Variants in MRTFA observed in about 807,000 individuals in gnomAD.
MRTFA encodes the protein myocardin related transcription factor A.
In MRTFA, 20 loss-of-function variants were observed where a neutral mutation model predicts 83.5. The ratio of observed to expected loss-of-function variants is 0.24; its 90% confidence interval spans 0.17 to 0.35. The LOEUF (loss-of-function observed/expected upper bound fraction) is 0.35. Ranked by LOEUF, MRTFA falls within the 10% of genes least tolerant of loss-of-function variation. The pLI is 1.00. For synonymous variants in MRTFA, 659 were observed against 541.2 expected, an observed-to-expected ratio of 1.22 and a Z score of -3.02; for missense variants, 1,200 against 1,224.7, an observed-to-expected ratio of 0.98 and a Z score of 0.30.
intron 4 of MRTFA, among the ~76,000 whole-genome samples, chr22:40,457,746 G>C (rs768785880): frequency 1.3e-5 from 2 of 152,196 alleles, no homozygotes; most frequent in Non-Finnish European, 2.9e-5. Flanking sequence ...TGGGAAAATA[G>C]TAAGTTGAGG....
At chr22:40,436,041 C>T (rs943458217) in intron 4 of MRTFA, among the ~76,000 whole-genome samples, 11 of 152,066 alleles carry the variant, frequency 7.2e-5, no homozygotes, top group Non-Finnish European at 1.2e-4. Flanking sequence ...GGTTTAGCTA[C>T]CCCATTCAAA....
intron 3 of MRTFA, among the ~76,000 whole-genome samples, chr22:40,547,872 GAAAA>G (rs2055390195): frequency 7.1e-6 from 1 of 139,872 alleles, no homozygotes; most frequent in Non-Finnish European, 1.6e-5. Flanking sequence ...AAAAAAAAAA[GAAAA>G]AGAAATGATG....
chr22:40,420,450 C>G lies in MRTFA; in HGVS notation c.1308G>C (p.Leu436=), dbSNP rs760748230. The change falls in exon 11 of 15, where the codon CTG becomes CTC. Residue 436 remains leucine (L), a synonymous_variant. Transcript: ENST00000355630. ...CCGGCAGGGCTCCCGGCTTGCCAGT[C>G]AGTGAGGTGCTGTTCTGACGTGCCA... 1 of 1,613,724 alleles carries G rather than the reference C, an allele frequency of 6.2e-7. No individual in the cohort carries two copies. The highest frequency in any genetic ancestry group is 1.1e-5 in the South Asian group (1 of 91,084).
chr22:40,502,688 A>G (rs1247977813), intron 3 of MRTFA, among the ~76,000 whole-genome samples: 2 of 150,712 alleles, frequency 1.3e-5, no homozygotes, highest in African/African-American at 4.9e-5. Context: ...GCACTTTGGG[A>G]GGCCAAGGCA....
intron 3 of MRTFA, among the ~76,000 whole-genome samples, chr22:40,550,156 C>T (rs1457570484): frequency 6.6e-6 from 1 of 150,716 alleles, no homozygotes; most frequent in Non-Finnish European, 1.5e-5. Flanking sequence ...GATGGGCACG[C>T]AGGTATTCAC....
At chr22:40,595,102 G>A (rs2056171956) in intron 1 of MRTFA, among the ~76,000 whole-genome samples, 1 of 147,072 alleles carries the variant, frequency 6.8e-6, no homozygotes, top group Non-Finnish European at 1.5e-5. Flanking sequence ...GCTCTTATTG[G>A]TGTTGATAAA....
chr22:40,426,685 G>A (rs771595865), intron 7 of MRTFA, among the ~76,000 whole-genome samples: 9 of 152,074 alleles, frequency 5.9e-5, no homozygotes, highest in Non-Finnish European at 1.0e-4. Context: ...GCCCCCAGAC[G>A]TGCTATAGTG....
intron 2 of MRTFA, among the ~76,000 whole-genome samples, chr22:40,577,897 C>T (rs1357885693): frequency 2.0e-5 from 3 of 149,812 alleles, no homozygotes; most frequent in African/African-American, 2.5e-5. Flanking sequence ...TGAGCCACCA[C>T]GCCCGGCCTA....
At chr22:40,492,076 A>G (rs1303161850) in intron 3 of MRTFA, among the ~76,000 whole-genome samples, 3 of 152,182 alleles carry the variant, frequency 2.0e-5, no homozygotes, top group Admixed American at 2.0e-4. Flanking sequence ...GAGTGGCAGA[A>G]TCCTGCAGGT....
At chr22:40,535,022 C>G (rs980718552) in intron 3 of MRTFA, among the ~76,000 whole-genome samples, 2 of 152,174 alleles carry the variant, frequency 1.3e-5, no homozygotes, top group Admixed American at 6.5e-5. Context: ...AAACTTCCTT[C>G]CTTTCTCACT....
At position 40,597,946 on chromosome 22, in the gene MRTFA, T is replaced by G. The variant is rs543340822; in HGVS notation, c.-83-3211A>C. On this transcript the variant is annotated intron_variant, in intron 1 of 14. Transcript: ENST00000355630. ...TCTGCCAGGTTTGAACATGCCAAGT[T>G]TAAAATACTCTCCAGATCGTTATGC... 7.7e-4 allele frequency among the ~76,000 whole-genome samples: 117 copies of G among 152,318 alleles called. 2 individuals carry two copies. In the South Asian group the frequency reaches 0.01, roughly 13 times the overall value.
chr22:40,424,698 C>A lies in MRTFA; in HGVS notation c.602-317G>T, dbSNP rs537256461. On this transcript the variant is annotated intron_variant, in intron 7 of 14. Transcript: ENST00000355630. Reference sequence around the variant, plus strand: ...TAGTCTTCAATGTCAAGTTGTCCCTCCCTCCCTTGCTCCTCCCTGGGAGAC... The same window carrying A: ...TAGTCTTCAATGTCAAGTTGTCCCTACCTCCCTTGCTCCTCCCTGGGAGAC... Among the ~76,000 whole-genome samples, 14 of 152,336 alleles carry A rather than the reference C, an allele frequency of 9.2e-5. No individual in the cohort carries two copies. The South Asian group carries it at 2.9e-3, about 32-fold the overall frequency.
intron 14 of MRTFA, among the ~76,000 whole-genome samples, chr22:40,415,613 GCTC>G (rs2052661864): frequency 6.6e-6 from 1 of 151,942 alleles, no homozygotes; most frequent in South Asian, 2.1e-4. Flanking sequence ...CCGCCAGTGA[GCTC>G]CTCCCCAGGA....
chr22:40,457,678 T>C (rs1048361219), intron 4 of MRTFA, among the ~76,000 whole-genome samples: 3 of 152,182 alleles, frequency 2.0e-5, no homozygotes, highest in East Asian at 1.9e-4. Context: ...CGAAGATCTA[T>C]ACGACAAAAA....
chr22:40,533,709 G>T, intron 3 of MRTFA: 1 of 942,990 alleles, frequency 1.1e-6, no homozygotes, highest in Non-Finnish European at 1.4e-6. Flanking sequence ...AAGCTGTCTT[G>T]AAAGCTTTCA....
At position 40,416,736 on chromosome 22, in the gene MRTFA, G is replaced by A. The variant is rs1160113463; in HGVS notation, c.2578+250C>T. On this transcript the variant is annotated intron_variant, in intron 14 of 14. Coordinates refer to ENST00000355630, the MANE Select transcript of MRTFA (RefSeq NM_020831.6). The surrounding 1 kb of genome is among the most constrained non-coding windows in gnomAD (Gnocchi z 4.2). ...AGGCTGCACTGTGAGCTCCACAAGG[G>A]CAAATGTCTCTTCTGTTCGTTGGGA... Among the ~76,000 whole-genome samples the A allele has an allele frequency of 6.6e-6, 1 of 152,216 alleles. No individual in the cohort carries two copies. Among genetic ancestry groups the A allele is most frequent in the African/African-American group, 2.4e-5 (1 of 41,454 alleles).
At chr22:40,498,225 A>G (rs1197997845) in intron 3 of MRTFA, among the ~76,000 whole-genome samples, 1 of 116,340 alleles carries the variant, frequency 8.6e-6, no homozygotes, top group Non-Finnish European at 1.7e-5. Context: ...GCATGCTTCT[A>G]TTTTCCACAG....
chr22:40,493,760 G>C (rs746586964), intron 3 of MRTFA, among the ~76,000 whole-genome samples: 21 of 152,294 alleles, frequency 1.4e-4, no homozygotes, highest in Non-Finnish European at 2.4e-4. Context: ...CAGTTTGGGA[G>C]TTTCTTATAA....
intron 2 of MRTFA, chr22:40,587,646 G>T: frequency 3.2e-6 from 1 of 308,386 alleles, no homozygotes; most frequent in Non-Finnish European, 6.5e-6. Context: ...ATTGTTTTTT[G>T]GATTGTGTTC....
Sources: allele counts gnomAD v4.1 joint callset (sites outside exome capture counted in the v4.1 genomes callset), GRCh38; gene constraint gnomAD v4.1.1; non-coding constraint Gnocchi (gnomAD v3.1); transcripts MANE v1.5; gene names NCBI Gene and HGNC (gene_info 2026-07-23, HGNC 2026-07-21).